The following PTPRA variants were observed in gnomAD, a reference collection of about 807,000 sequenced individuals.
The protein encoded by PTPRA is protein tyrosine phosphatase receptor type A.
A neutral mutation model predicts 104.8 loss-of-function variants in PTPRA; 25 were observed. The ratio of observed to expected loss-of-function variants is 0.24; its 90% confidence interval spans 0.17 to 0.33. The LOEUF (loss-of-function observed/expected upper bound fraction) is 0.33, where lower values mean the gene tolerates loss of function less well. Ranked by LOEUF, PTPRA falls within the 10% of genes least tolerant of loss-of-function variation. PTPRA has a pLI of 1.00. For missense variants in PTPRA, 765 were observed against 1,015.3 expected, an observed-to-expected ratio of 0.75 and a Z score of 3.35; for synonymous variants, 323 against 368.9, an observed-to-expected ratio of 0.88 and a Z score of 1.43.
At chr20:3,031,096 T>A (rs1472194575) in intron 20 of PTPRA, among the ~76,000 whole-genome samples, 3 of 152,138 alleles carry the variant, frequency 2.0e-5, no homozygotes, top group Non-Finnish European at 4.4e-5. Context: ...ACTCCCATGC[T>A]GGGTCAACCC....
chr20:3,026,547 T>C (rs6138982), intron 17 of PTPRA, 140 bp from the exon 18 acceptor site: 2 of 637,024 alleles, frequency 3.1e-6, no homozygotes, highest in African/African-American at 1.8e-5. Context: ...GCTGAACATA[T>C]GGGAACAGAG....
In PTPRA at chr20:3,037,297, G is replaced by T; in HGVS notation, c.2334+8G>T. The T allele has an allele frequency of 6.2e-7, 1 of 1,613,560 alleles. No homozygotes were observed. Among genetic ancestry groups the T allele is most frequent in the Non-Finnish European group, 8.5e-7 (1 of 1,179,744 alleles). On this transcript the variant is annotated splice_region_variant and intron_variant, in intron 23 of 23. Coordinates refer to ENST00000399903, the MANE Select transcript of PTPRA (RefSeq NM_001385305.1). The surrounding 1 kb of genome is among the most constrained non-coding windows in gnomAD (Gnocchi z 4.3). ...CACATGGTCCAGACACTGGTATGCT[G>T]CCCACATATTTGTCCCTGCCACCAC... is the stretch of plus-strand genomic sequence containing the variant.
chr20:2,898,349 GGATT>G (rs2059099885), intron 1 of PTPRA, among the ~76,000 whole-genome samples: 1 of 151,402 alleles, frequency 6.6e-6, no homozygotes, highest in African/African-American at 2.4e-5. Context: ...CAAAGTGCTG[GGATT>G]ACAGGCGTGA....
At chr20:3,002,422 G>A (rs2063677348) in intron 9 of PTPRA, among the ~76,000 whole-genome samples, 2 of 150,890 alleles carry the variant, frequency 1.3e-5, no homozygotes, top group South Asian at 4.2e-4. Flanking sequence ...CATCTCCCGG[G>A]TTCAAGCAGT....
At chr20:2,978,941 G>A (rs1157034837) in intron 6 of PTPRA, among the ~76,000 whole-genome samples, 1 of 152,196 alleles carries the variant, frequency 6.6e-6, no homozygotes, top group Non-Finnish European at 1.5e-5. Flanking sequence ...TTCTCTGCTA[G>A]TGTGTGAACT....
chr20:2,971,756 C>T (rs1312328894), intron 5 of PTPRA, among the ~76,000 whole-genome samples: 1 of 152,034 alleles, frequency 6.6e-6, no homozygotes, highest in Non-Finnish European at 1.5e-5. Flanking sequence ...TTGCCAGTTG[C>T]CTGTTCAGGA....
chr20:2,937,643 A>C (rs1460492213), intron 2 of PTPRA, among the ~76,000 whole-genome samples: 1 of 152,146 alleles, frequency 6.6e-6, no homozygotes, highest in Admixed American at 6.5e-5. Context: ...AGACACACAC[A>C]CACCCTTTCC....
intron 1 of PTPRA, among the ~76,000 whole-genome samples, chr20:2,885,294 A>G (rs1452336207): frequency 6.6e-6 from 1 of 152,204 alleles, no homozygotes; most frequent in African/African-American, 2.4e-5. Flanking sequence ...ATGACTCATG[A>G]TCTGACTGTG....
intron 1 of PTPRA, among the ~76,000 whole-genome samples, chr20:2,881,875 C>G (rs2090069540): frequency 6.6e-6 from 1 of 151,990 alleles, no homozygotes; most frequent in Admixed American, 6.6e-5. Flanking sequence ...GTGGGCACAC[C>G]TGTAGTCCCA....
Position 3,036,228 on chromosome 20 carries a change from AAG to A in PTPRA, c.2198+291_2198+292del, listed in dbSNP as rs540781826. On this transcript the variant is annotated intron_variant, in intron 22 of 23. Transcript: ENST00000399903. ...CGGTTGTGCTATGAACAGAGGGTGA[AAG>A]AGAAGAGGAGTCAAGGGTGTCTCCC... Among the ~76,000 whole-genome samples, 42 of 152,312 alleles carry A rather than the reference AAG, an allele frequency of 2.8e-4. 1 individual carries two copies. In the South Asian group the frequency reaches 8.5e-3, roughly 31 times the overall value.
At chr20:2,916,644 G>A (rs1213027800) in intron 1 of PTPRA, among the ~76,000 whole-genome samples, 3 of 152,194 alleles carry the variant, frequency 2.0e-5, no homozygotes, top group South Asian at 2.1e-4. Flanking sequence ...GTTGAAGGCT[G>A]CAGTGAGCTC....
chr20:3,008,325 A>G (rs946468011), intron 11 of PTPRA, among the ~76,000 whole-genome samples: 1 of 152,254 alleles, frequency 6.6e-6, no homozygotes, highest in African/African-American at 2.4e-5. Context: ...TACAACATGG[A>G]TGAACCTGGA....
chr20:2,923,569 C>T (rs573469669), intron 2 of PTPRA, among the ~76,000 whole-genome samples: 10 of 151,796 alleles, frequency 6.6e-5, no homozygotes, highest in East Asian at 1.9e-4. Context: ...GAGGCCGAGG[C>T]GGGCAGATCA....
intron 9 of PTPRA, among the ~76,000 whole-genome samples, chr20:3,001,565 C>T (rs2063626781): frequency 6.6e-6 from 1 of 150,872 alleles, no homozygotes; most frequent in Admixed American, 6.7e-5. Flanking sequence ...GACATCTCAT[C>T]CTGCCCTGTA....
At chr20:2,966,855 A>G (rs2061965264) in intron 5 of PTPRA, among the ~76,000 whole-genome samples, 1 of 152,174 alleles carries the variant, frequency 6.6e-6, no homozygotes, top group South Asian at 2.1e-4. Flanking sequence ...TATTCTTTTA[A>G]TGTTACATAC....
At chr20:2,864,969 T>C in the PTPRA span, 1 of 1,614,104 alleles carries the variant, frequency 6.2e-7, no homozygotes, top group Admixed American at 1.7e-5. The surrounding 1 kb of genome is among the most constrained non-coding windows in gnomAD (Gnocchi z 5.2). Flanking sequence ...TTCCTTCTTG[T>C]CTTTATAGCG....
chr20:2,972,495 C>T (rs555468305), intron 5 of PTPRA, among the ~76,000 whole-genome samples: 54 of 152,262 alleles, frequency 3.5e-4, no homozygotes, highest in Middle Eastern at 3.4e-3. Context: ...GAGCCAAGGC[C>T]GCCCAAACAT....
At chr20:2,985,865 C>T (rs369641921) in intron 6 of PTPRA, among the ~76,000 whole-genome samples, 27 of 150,998 alleles carry the variant, frequency 1.8e-4, no homozygotes, top group African/African-American at 5.6e-4. Flanking sequence ...AGGCATGAGC[C>T]GCCACACCCA....
chr20:3,021,991 C>A, intron 14 of PTPRA, 63 bp from the exon 15 acceptor site: 3 of 1,587,204 alleles, frequency 1.9e-6, no homozygotes, highest in East Asian at 2.2e-5. Context: ...GTCACCTTCC[C>A]TCCCCTGGTA....
Sources: allele counts gnomAD v4.1 joint callset (sites outside exome capture counted in the v4.1 genomes callset), GRCh38; gene constraint gnomAD v4.1.1; non-coding constraint Gnocchi (gnomAD v3.1); transcripts MANE v1.5; gene names NCBI Gene and HGNC (gene_info 2026-07-23, HGNC 2026-07-21).